The following USH2A variants were observed in gnomAD, a reference collection of about 807,000 sequenced individuals.
The protein encoded by USH2A is Usher syndrome 2A (autosomal recessive, mild).
Under a neutral mutation model 538.9 loss-of-function variants are expected in USH2A, and 443 were observed. The ratio of observed to expected loss-of-function variants is 0.82; its 90% CI spans 0.76 to 0.89. The LOEUF (loss-of-function observed/expected upper bound fraction) is 0.89. USH2A is among the 40% of genes least tolerant of loss of function. The pLI, the probability that USH2A is intolerant of heterozygous loss-of-function variation, is 0.00. For missense variants in USH2A, 6,633 were observed against 6,324.8 expected (o/e 1.05, Z -1.65); for synonymous variants, 2,413 against 2,273.5 (o/e 1.06, Z -1.75).
intron 67 of USH2A, among the ~76,000 whole-genome samples, chr1:215,644,804 A>C (rs1656795501): frequency 6.6e-6 from 1 of 152,246 alleles, no homozygotes; most frequent in African/African-American, 2.4e-5. Flanking sequence ...TGGGCAAAGC[A>C]TCTGCAGACC....
chr1:215,818,409 T>G (rs746705301), intron 47 of USH2A, among the ~76,000 whole-genome samples: 2 of 151,926 alleles, frequency 1.3e-5, no homozygotes, highest in Non-Finnish European at 2.9e-5. Context: ...AGATTCTTTT[T>G]TTTTTCAATA....
At chr1:216,018,407 C>T (rs997391558) in intron 32 of USH2A, among the ~76,000 whole-genome samples, 1 of 152,176 alleles carries the variant, frequency 6.6e-6, no homozygotes, top group African/African-American at 2.4e-5. Context: ...GTAGGAAGGG[C>T]CTCCCCTCAA....
chr1:216,214,544 G>T (rs80330817), intron 15 of USH2A, among the ~76,000 whole-genome samples: 4,096 of 152,078 alleles, frequency 0.027, 195 homozygotes, highest in African/African-American at 0.092. Context: ...GGGGCTAGAG[G>T]TGGGAGTCAT....
chr1:216,290,434 G>A (rs529132935), intron 10 of USH2A, among the ~76,000 whole-genome samples: 12 of 151,970 alleles, frequency 7.9e-5, no homozygotes, highest in Non-Finnish European at 1.5e-4. Flanking sequence ...TATTTATCGC[G>A]TGATTACTAT....
At chr1:215,862,993 C>A (rs1571758671) in intron 44 of USH2A, among the ~76,000 whole-genome samples, 1 of 152,150 alleles carries the variant, frequency 6.6e-6, no homozygotes, top group East Asian at 1.9e-4. Context: ...ATGGAATCAC[C>A]AACAAGAGAA....
chr1:216,043,772 C>T (rs913042161), intron 32 of USH2A, among the ~76,000 whole-genome samples: 1 of 152,034 alleles, frequency 6.6e-6, no homozygotes, highest in African/African-American at 2.4e-5. Flanking sequence ...ATATGGAGTT[C>T]TGTACATTTT....
At chr1:216,215,356 T>C (rs2102493149) in intron 15 of USH2A, among the ~76,000 whole-genome samples, 1 of 152,252 alleles carries the variant, frequency 6.6e-6, no homozygotes, top group Non-Finnish European at 1.5e-5. Flanking sequence ...GTGTCAGCAA[T>C]AGATAGCACT....
chr1:215,758,568 A>G, intron 58 of USH2A, 27 bp downstream of exon 58: 1 of 1,604,816 alleles, frequency 6.2e-7, no homozygotes, highest in Non-Finnish European at 8.5e-7. Context: ...TTACACACAC[A>G]CACACATACT....
intron 3 of USH2A, among the ~76,000 whole-genome samples, chr1:216,386,381 A>C (rs1217936977): frequency 2.0e-5 from 3 of 149,980 alleles, no homozygotes; most frequent in Non-Finnish European, 3.0e-5. Context: ...CCTGTAGTCC[A>C]AGCTACTCGG....
At chr1:216,264,931 T>G (rs2036443483) in intron 11 of USH2A, among the ~76,000 whole-genome samples, 1 of 151,942 alleles carries the variant, frequency 6.6e-6, no homozygotes, top group Admixed American at 6.6e-5. Context: ...TGGACTAAAC[T>G]CTTCAACGTA....
chr1:216,388,840 G>T (rs2039051189), intron 3 of USH2A, among the ~76,000 whole-genome samples: 1 of 152,298 alleles, frequency 6.6e-6, no homozygotes, highest in East Asian at 1.9e-4. Flanking sequence ...AGGAATTCTT[G>T]CCTTTTGTAA....
intron 37 of USH2A, among the ~76,000 whole-genome samples, chr1:215,941,230 A>G (rs917476256): frequency 1.3e-5 from 2 of 152,084 alleles, no homozygotes; most frequent in African/African-American, 4.8e-5. Context: ...AAAATGAAAG[A>G]TATATGTATA....
At position 215,786,653 on chromosome 1, in the gene USH2A, A is replaced by T. The variant is rs778681497; in HGVS notation, c.10387+17T>A. Reference sequence around the variant, plus strand: ...TAACCCCATTAAGCCATGGGCAGACAGCTTGCTTTCTGTTACCTGTGTAAG... The same window carrying T: ...TAACCCCATTAAGCCATGGGCAGACTGCTTGCTTTCTGTTACCTGTGTAAG... On this transcript the variant is annotated intron_variant, in intron 52 of 71. Coordinates refer to ENST00000307340, the MANE Select transcript of USH2A (RefSeq NM_206933.4). 6.2e-7 allele frequency: 1 copy of T among 1,613,722 alleles called. No individual in the cohort carries two copies. The highest frequency in any genetic ancestry group is 1.3e-5 in the African/African-American group (1 of 74,922).
intron 48 of USH2A, among the ~76,000 whole-genome samples, chr1:215,815,059 C>T (rs986007747): frequency 6.6e-6 from 1 of 152,126 alleles, no homozygotes; most frequent in African/African-American, 2.4e-5. Flanking sequence ...TTCTACTTCT[C>T]TCCAATCTTT....
intron 21 of USH2A, among the ~76,000 whole-genome samples, chr1:216,120,466 GC>G (rs2033110898): frequency 6.6e-6 from 1 of 151,660 alleles, no homozygotes; most frequent in Admixed American, 6.6e-5. Context: ...TGCAAGCTCC[GC>G]CTCCCGGGTT....
chr1:215,718,452 A>G (rs1374445627), intron 61 of USH2A, among the ~76,000 whole-genome samples: 1 of 152,218 alleles, frequency 6.6e-6, no homozygotes, highest in African/African-American at 2.4e-5. Flanking sequence ...CATCAAGGTA[A>G]TTACTTTCAA....
chr1:215,799,081 C>A lies in USH2A; in HGVS notation c.9784G>T (p.Gly3262Cys), dbSNP rs1662225664. ...PDEQHNRVSV[G>C]IGDSCCGRMP... is the part of the protein sequence containing the mutation. Reference sequence around the variant, plus strand: ...CTGCCACAGCAGGAATCACCAATGCCAACAGAAACCCGATTGTGCTGTTCA... The same window carrying A: ...CTGCCACAGCAGGAATCACCAATGCAAACAGAAACCCGATTGTGCTGTTCA... The change falls in exon 50 of 72, where the codon GGC (glycine) becomes TGC (cysteine). Residue 3262 changes from glycine (G) to cysteine (C), a missense_variant. Physicochemically the swap from Gly to Cys is radical, Grantham distance 159. Transcript: ENST00000307340. 6.2e-7 allele frequency: 1 copy of A among 1,613,902 alleles called. No individual in the cohort carries two copies. Among genetic ancestry groups the A allele is most frequent in the African/African-American group, 1.3e-5 (1 of 74,916 alleles).
At chr1:216,415,026 A>G (rs2102778593) in intron 3 of USH2A, among the ~76,000 whole-genome samples, 1 of 152,188 alleles carries the variant, frequency 6.6e-6, no homozygotes, top group East Asian at 1.9e-4. Flanking sequence ...ATTTCTCTAT[A>G]TTTTGTCCAG....
intron 61 of USH2A, among the ~76,000 whole-genome samples, chr1:215,680,588 C>T (rs377668235): frequency 6.6e-6 from 1 of 151,876 alleles, no homozygotes; most frequent in East Asian, 1.9e-4. Flanking sequence ...TGTATGATTT[C>T]AGACACTCAG....
Sources: allele counts gnomAD v4.1 joint callset (sites outside exome capture counted in the v4.1 genomes callset), GRCh38; gene constraint gnomAD v4.1.1; transcripts MANE v1.5; gene names NCBI Gene and HGNC (gene_info 2026-07-23, HGNC 2026-07-21).